DYNC2I2: variants seen among roughly 807,000 people sequenced by gnomAD.
The protein encoded by DYNC2I2 is cytoplasmic dynein 2 intermediate chain 2.
In DYNC2I2, 39 loss-of-function variants were observed where a neutral mutation model predicts 52.0. That is an observed-to-expected ratio of 0.75 (90% CI 0.58 to 0.98). DYNC2I2 has a LOEUF of 0.98. DYNC2I2 is among the 50% of genes least tolerant of loss of function. DYNC2I2 has a pLI of 0.00. For synonymous variants in DYNC2I2, 359 were observed against 321.1 expected, an observed-to-expected ratio of 1.12 and a Z score of -1.26; for missense variants, 743 against 728.4, an observed-to-expected ratio of 1.02 and a Z score of -0.23.
chr9:128,645,266 C>T (rs1263297365), intron 1 of DYNC2I2, among the ~76,000 whole-genome samples: 6 of 151,954 alleles, frequency 3.9e-5, no homozygotes, highest in African/African-American at 7.2e-5. Flanking sequence ...GAGGCCAAGG[C>T]GGGCGGATCG....
the DYNC2I2 span, among the ~76,000 whole-genome samples, chr9:128,679,988 C>T: frequency 6.6e-6 from 1 of 152,142 alleles, no homozygotes; most frequent in Non-Finnish European, 1.5e-5. Context: ...CTTCCACATA[C>T]CCTTATACCA....
the DYNC2I2 span, among the ~76,000 whole-genome samples, chr9:128,669,182 G>A: frequency 2.0e-5 from 3 of 151,892 alleles, no homozygotes; most frequent in Non-Finnish European, 4.4e-5. Flanking sequence ...TGGCTAACAC[G>A]GTGAAACTCC....
chr9:128,671,705 G>A, the DYNC2I2 span, among the ~76,000 whole-genome samples: 1 of 151,722 alleles, frequency 6.6e-6, no homozygotes, highest in Non-Finnish European at 1.5e-5. Flanking sequence ...AGGCTGGAGT[G>A]CAGCGGCTCG....
Position 128,634,701 on chromosome 9 carries a change from G to GAACA in DYNC2I2, c.1198_1201dup (p.Ser401LeufsTer15), listed in dbSNP as rs1860335967. ...CTGCCCTACGTACCTGTGGAAGGGG[G>GAACA]AACAGCTCACAGAGTAGATGGGACC... On this transcript the variant is annotated frameshift_variant, in exon 7 of 9. Coordinates refer to ENST00000372715, the MANE Select transcript of DYNC2I2 (RefSeq NM_052844.4). LOFTEE classifies it high-confidence loss of function. 1 of 1,570,298 alleles carries GAACA rather than the reference G, an allele frequency of 6.4e-7. No individual in the cohort carries two copies. The highest frequency in any genetic ancestry group is 1.9e-5 in the Admixed American group (1 of 53,312).
At chr9:128,637,905 T>C (rs1860445124) in intron 2 of DYNC2I2, among the ~76,000 whole-genome samples, 2 of 152,106 alleles carry the variant, frequency 1.3e-5, no homozygotes, top group Admixed American at 1.3e-4. Context: ...TCCTCTGACG[T>C]TTCAGATCTG....
Position 128,655,627 on chromosome 9 carries a change from A to T in DYNC2I2, c.186+914T>A, listed in dbSNP as rs1309691361. Among the ~76,000 whole-genome samples the T allele has an allele frequency of 3.1e-5, 4 of 127,740 alleles. No homozygotes were observed. In the Admixed American group the frequency reaches 3.2e-4, roughly 10 times the overall value. The allele number at this position is 127,740 out of a possible 152,430, so 83.8% of individuals were successfully genotyped here. A position where few individuals can be genotyped will look rare whatever the true frequency, so the allele number is the denominator to read the frequency against. Reference sequence around the variant, plus strand: ...TGTCTCAAAAAAAAGAAAAAAAAGAAGGCCGGGCGCGGTGGCTCACGCCTG... The same window carrying T: ...TGTCTCAAAAAAAAGAAAAAAAAGATGGCCGGGCGCGGTGGCTCACGCCTG... On this transcript the variant is annotated intron_variant, in intron 1 of 8. Transcript: ENST00000372715.
chr9:128,660,891 G>A (rs569719944), upstream of DYNC2I2, among the ~76,000 whole-genome samples: 189 of 148,836 alleles, frequency 1.3e-3, 2 homozygotes, highest in African/African-American at 4.3e-3. Flanking sequence ...CACCACACCC[G>A]GCTAATTTTT....
intron 1 of DYNC2I2, among the ~76,000 whole-genome samples, chr9:128,647,461 C>T (rs528329739): frequency 1.3e-5 from 2 of 152,264 alleles, no homozygotes; most frequent in African/African-American, 2.4e-5. Flanking sequence ...AGGGGCCAGG[C>T]GCTATGGCTC....
the DYNC2I2 span, among the ~76,000 whole-genome samples, chr9:128,678,133 A>C: frequency 6.7e-6 from 1 of 149,810 alleles, no homozygotes; most frequent in African/African-American, 2.5e-5. Context: ...GCAATGGTGC[A>C]ATCTTGGCTC....
At position 128,642,716 on chromosome 9, in the gene DYNC2I2, C is replaced by T. The variant is rs976957807; in HGVS notation, c.187-1777G>A. Among the ~76,000 whole-genome samples, 3 of 152,012 alleles carry T rather than the reference C, an allele frequency of 2.0e-5. 1 individual carries two copies. In the South Asian group the frequency reaches 6.2e-4, roughly 31 times the overall value. On this transcript the variant is annotated intron_variant, in intron 1 of 8. Coordinates refer to ENST00000372715, the MANE Select transcript of DYNC2I2 (RefSeq NM_052844.4). ...CTTACAGTGAGCCGAGATTGTGCCA[C>T]TGCACTCCAGCCCGGGTGACAGAGC...
In DYNC2I2 at chr9:128,634,333, ATGGAGTACAGG is replaced by A; in HGVS notation, c.1254_1264del (p.Leu419AlafsTer37). The A allele has an allele frequency of 1.2e-6, 2 of 1,612,028 alleles. No individual in the cohort carries two copies. Among genetic ancestry groups the A allele is most frequent in the Non-Finnish European group, 1.7e-6 (2 of 1,179,254 alleles). ...CGAAGTCAAGGGAGGGGCCTGCAGC[ATGGAGTACAGG>A]TGGACATGCCCGTCAGTCCCAGCGC... On this transcript the variant is annotated frameshift_variant, in exon 8 of 9. Transcript: ENST00000372715. LOFTEE classifies it high-confidence loss of function.
upstream of DYNC2I2, among the ~76,000 whole-genome samples, chr9:128,660,808 C>T (rs561409908): frequency 6.6e-6 from 1 of 152,104 alleles, no homozygotes; most frequent in East Asian, 2.0e-4. Context: ...CGGCTCATTG[C>T]AACCTTCACC....
the DYNC2I2 span, among the ~76,000 whole-genome samples, chr9:128,678,807 C>A: frequency 6.6e-6 from 1 of 151,726 alleles, no homozygotes; most frequent in Non-Finnish European, 1.5e-5. Flanking sequence ...TGGTGGCTCA[C>A]ACCTGTAATC....
At chr9:128,676,586 C>T in the DYNC2I2 span, among the ~76,000 whole-genome samples, 1 of 149,400 alleles carries the variant, frequency 6.7e-6, no homozygotes, top group African/African-American at 2.5e-5. Flanking sequence ...GGCTGGAGTA[C>T]GGTGGTGTGA....
At chr9:128,669,048 T>G in the DYNC2I2 span, among the ~76,000 whole-genome samples, 1 of 151,614 alleles carries the variant, frequency 6.6e-6, no homozygotes, top group African/African-American at 2.4e-5. Flanking sequence ...CTGACCAACA[T>G]GGCAAAACCC....
upstream of DYNC2I2, among the ~76,000 whole-genome samples, chr9:128,659,237 C>T (rs1416824299): frequency 3.3e-5 from 5 of 151,814 alleles, no homozygotes; most frequent in Non-Finnish European, 7.4e-5. Flanking sequence ...AGGGGCCGGG[C>T]GCGGTGGCTC....
intron 3 of DYNC2I2, 34 bp downstream of exon 3, chr9:128,636,884 C>T (rs764572305): frequency 9.1e-6 from 14 of 1,545,546 alleles, no homozygotes; most frequent in African/African-American, 4.1e-5. Flanking sequence ...CCTGGGGTGG[C>T]GAGCTGCCCC....
chr9:128,670,509 G>A, the DYNC2I2 span, among the ~76,000 whole-genome samples: 2 of 148,218 alleles, frequency 1.3e-5, no homozygotes, highest in Admixed American at 6.7e-5. Context: ...AGGCTGAGGC[G>A]GGCAGATCAT....
At chr9:128,642,265 C>CGACA (rs1156525768) in intron 1 of DYNC2I2, among the ~76,000 whole-genome samples, 3 of 131,100 alleles carry the variant, frequency 2.3e-5, no homozygotes, top group South Asian at 2.4e-4. Flanking sequence ...CCAGCCTGAG[C>CGACA]GACAGAGCAA....
Sources: allele counts gnomAD v4.1 joint callset (sites outside exome capture counted in the v4.1 genomes callset), GRCh38; gene constraint gnomAD v4.1.1; transcripts MANE v1.5; gene names NCBI Gene and HGNC (gene_info 2026-07-23, HGNC 2026-07-21).